Variants in DDX47 observed in about 807,000 individuals in gnomAD.
DDX47 encodes probable ATP-dependent RNA helicase DDX47.
In DDX47, 60 loss-of-function variants were observed where a neutral mutation model predicts 58.8. The observed-to-expected ratio is 1.02, with a 90% confidence interval of 0.83 to 1.26. The LOEUF (loss-of-function observed/expected upper bound fraction) is 1.26, where lower values mean the gene tolerates loss of function less well. Among genes scored for constraint, DDX47 ranks in the 50% most tolerant of loss-of-function variants. DDX47 has a pLI of 0.00. For synonymous variants in DDX47, 197 were observed against 204.6 expected (o/e 0.96, Z 0.32); for missense variants, 530 against 573.2 (o/e 0.92, Z 0.77).
chr12:12,818,071 G>T (rs1414664137), intron 2 of DDX47, among the ~76,000 whole-genome samples: 1 of 152,204 alleles, frequency 6.6e-6, no homozygotes, highest in Non-Finnish European at 1.5e-5. Flanking sequence ...GGAATAAAAA[G>T]CTTTGGGAAT....
chr12:12,821,569 G>A lies in DDX47; in HGVS notation c.371-86G>A, dbSNP rs1445698326. On this transcript the variant is annotated intron_variant, in intron 3 of 11. Transcript: ENST00000358007. Reference sequence around the variant, plus strand: ...TGTAAGGGAAGAACAAATCTAAGTAGAAATCTGGCATTGGCTTTAAAAGAT... The same window carrying A: ...TGTAAGGGAAGAACAAATCTAAGTAAAAATCTGGCATTGGCTTTAAAAGAT... The A allele has an allele frequency of 3.4e-6, 5 of 1,456,308 alleles. No homozygotes were observed. The Admixed American group carries it at 8.8e-5, about 26-fold the overall frequency. The allele number at this position is 1,456,308 out of a possible 1,614,324, so 90.2% of individuals were successfully genotyped here. A position where few individuals can be genotyped will look rare whatever the true frequency, so the allele number is the denominator to read the frequency against.
In DDX47 at chr12:12,829,670, C is replaced by G. The variant is rs975338425; in HGVS notation, c.*116C>G. ...GTCAGAATTGTGTCCAGAATGTGCT[C>G]AGCTAATTCAGTATTCTTCCCCATT... On this transcript the variant is annotated 3_prime_UTR_variant, in exon 12 of 12. Transcript: ENST00000358007. The G allele has an allele frequency of 1.5e-6, 2 of 1,292,430 alleles. No individual in the cohort carries two copies. The highest frequency in any genetic ancestry group is 3.0e-5 in the African/African-American group (2 of 66,552). 80.1% of individuals were successfully genotyped at this position (1,292,430 alleles called of 1,614,324 possible).
chr12:12,821,500 C>T (rs2136422221), intron 3 of DDX47, 104 bp downstream of exon 3: 1 of 1,456,970 alleles, frequency 6.9e-7, no homozygotes, highest in Non-Finnish European at 9.6e-7. Flanking sequence ...ATTTATTGAC[C>T]TAAAGAGCTA....
In DDX47 at chr12:12,828,594, C is replaced by T. The variant is rs572800503; in HGVS notation, c.1237-829C>T. 3.3e-5 allele frequency among the ~76,000 whole-genome samples: 5 copies of T among 152,300 alleles called. No individual in the cohort carries two copies. The East Asian group carries it at 9.6e-4, about 29-fold the overall frequency. On this transcript the variant is annotated intron_variant, in intron 11 of 11. Transcript: ENST00000358007. ...AGTTCTGGTCTGAGGGATGGAGAAACTTTGCCCATAGTTTGTTTTTGGAGT... is the reference window on the plus strand; with the variant it reads ...AGTTCTGGTCTGAGGGATGGAGAAATTTTGCCCATAGTTTGTTTTTGGAGT...
intron 10 of DDX47, 122 bp from the exon 11 acceptor site, chr12:12,827,124 A>G: frequency 8.0e-7 from 1 of 1,242,388 alleles, no homozygotes; most frequent in Non-Finnish European, 1.1e-6. Context: ...GAAAAGAAAT[A>G]ATATGTTCAA....
intron 1 of DDX47, 166 bp downstream of exon 1, chr12:12,813,620 G>C: frequency 1.5e-6 from 1 of 682,502 alleles, no homozygotes; most frequent in Non-Finnish European, 2.5e-6. Flanking sequence ...CTCTGAGTTT[G>C]GGTGGTGGGA....
rs149616642 is a variant in DDX47, at chr12:12,827,318, T to A, written c.1179T>A (p.Asp393Glu). 1 of 1,614,094 alleles carries A rather than the reference T, an allele frequency of 6.2e-7. No individual in the cohort carries two copies. Among genetic ancestry groups the A allele is most frequent in the Non-Finnish European group, 8.5e-7 (1 of 1,180,036 alleles). The change falls in exon 11 of 12, where the codon GAT becomes GAA. Residue 393 changes from aspartate (D) to glutamate (E), a missense_variant. Asp to Glu is a conservative substitution (Grantham distance 45, BLOSUM62 2). Coordinates refer to ENST00000358007, the MANE Select transcript of DDX47 (RefSeq NM_016355.4). ...GKKLPGFPTQ[D>E]DEVMMLTERV... ...AACTACCAGGTTTTCCAACACAGGATGATGAGGTTATGATGCTGACAGAAC... is the reference window on the plus strand; with the variant it reads ...AACTACCAGGTTTTCCAACACAGGAAGATGAGGTTATGATGCTGACAGAAC...
rs1277293152 is a variant in DDX47 at position 12,829,346 on chromosome 12, A to C, written c.1237-77A>C. 2.7e-6 allele frequency: 4 copies of C among 1,482,972 alleles called. No individual in the cohort carries two copies. In the Admixed American group the frequency reaches 7.0e-5, roughly 26 times the overall value. The allele number at this position is 1,482,972 out of a possible 1,614,324, so 91.9% of individuals were successfully genotyped here. ...GCAAGTTACTTGATACTTGATCTTA[A>C]GGAGAGGGGACTAGAATGAGTAACC... On this transcript the variant is annotated intron_variant, in intron 11 of 11. Transcript: ENST00000358007.
At chr12:12,814,008 G>A in intron 1 of DDX47, 123 bp from the exon 2 acceptor site, 2 of 721,678 alleles carry the variant, frequency 2.8e-6, no homozygotes, top group South Asian at 3.2e-5. Flanking sequence ...GCTCTGAGAT[G>A]CACAGTAAAT....
At chr12:12,826,535 T>G (rs1006936859) in intron 10 of DDX47, among the ~76,000 whole-genome samples, 1 of 151,860 alleles carries the variant, frequency 6.6e-6, no homozygotes, top group Non-Finnish European at 1.5e-5. Flanking sequence ...TTCCACCCCC[T>G]GGGCTCAAGC....
At chr12:12,817,856 G>GT (rs1188685350) in intron 2 of DDX47, among the ~76,000 whole-genome samples, 2 of 152,202 alleles carry the variant, frequency 1.3e-5, no homozygotes. Flanking sequence ...GGCCTCAGCT[G>GT]TAGGCAGTGA....
chr12:12,829,172 T>C (rs1298761028), intron 11 of DDX47, among the ~76,000 whole-genome samples: 1 of 152,156 alleles, frequency 6.6e-6, no homozygotes, highest in Non-Finnish European at 1.5e-5. Context: ...CCTTGGCCAA[T>C]ACTGGGGATT....
In DDX47 at chr12:12,822,076, A is replaced by C. The variant is rs1565447261; in HGVS notation, c.554A>C (p.Glu185Ala). ...GACCGAATACTGAATATGGATTTTG[A>C]GACAGAGGTGAGCTCTCAATTTCTT... ...EADRILNMDF[E>A]TEVDKILKVI... The change falls in exon 5 of 12, where the codon GAG becomes GCG. Residue 185 changes from glutamate to alanine, a missense_variant. By Grantham distance (107) the Glu-to-Ala change is moderately radical (BLOSUM62 -1). Transcript: ENST00000358007. 1 of 1,609,042 alleles carries C rather than the reference A, an allele frequency of 6.2e-7. No individual in the cohort carries two copies.
chr12:12,827,167 T>A, intron 10 of DDX47, 79 bp from the exon 11 acceptor site: 1 of 1,518,572 alleles, frequency 6.6e-7, no homozygotes, highest in Non-Finnish European at 9.0e-7. Flanking sequence ...TATTGCGTTG[T>A]ATCATATAAT....
In DDX47 at chr12:12,824,017, G is replaced by A. The variant is rs755915387; in HGVS notation, c.897+1G>A. On this transcript the variant is annotated splice_donor_variant, in intron 8 of 11. Transcript: ENST00000358007. LOFTEE classifies it high-confidence loss of function. ...CCCCCTCCATGGACAAATGAGTCAG[G>A]TAAGGATTCATCATCATCATCAGCC... 7 of 1,612,978 alleles carry A rather than the reference G, an allele frequency of 4.3e-6. No homozygotes were observed. In the East Asian group the frequency reaches 1.6e-4, roughly 36 times the overall value.
In DDX47 at chr12:12,829,603, A is replaced by G. The variant is rs1377550702; in HGVS notation, c.*49A>G. 11 of 1,596,708 alleles carry G rather than the reference A, an allele frequency of 6.9e-6. No individual in the cohort carries two copies. Among genetic ancestry groups the G allele is most frequent in the Non-Finnish European group, 8.5e-6 (10 of 1,172,066 alleles). On this transcript the variant is annotated 3_prime_UTR_variant, in exon 12 of 12. Transcript: ENST00000358007. ...CTGCTGTTCTGTAAAAGAGAATTGG[A>G]GAATGAAACCTGCTCCAACAGAGAT...
chr12:12,820,141 A>G (rs1011833772), intron 2 of DDX47: 3 of 152,242 alleles, frequency 2.0e-5, no homozygotes. Context: ...GGCTACAGCC[A>G]GCTCGGAGAT....
intron 5 of DDX47, 44 bp from the exon 6 acceptor site, chr12:12,822,617 C>T: frequency 1.3e-6 from 2 of 1,531,642 alleles, no homozygotes; most frequent in Admixed American, 3.4e-5. Context: ...GCAGCTCTTC[C>T]AGTCTGAATA....
chr12:12,826,525 T>A (rs1270185416), intron 10 of DDX47, among the ~76,000 whole-genome samples: 1 of 151,978 alleles, frequency 6.6e-6, no homozygotes, highest in Non-Finnish European at 1.5e-5. Flanking sequence ...TAAGTGCACC[T>A]TCCACCCCCT....
Sources: allele counts gnomAD v4.1 joint callset (sites outside exome capture counted in the v4.1 genomes callset), GRCh38; gene constraint gnomAD v4.1.1; transcripts MANE v1.5; gene names NCBI Gene and HGNC (gene_info 2026-07-23, HGNC 2026-07-21).